The following MGAT5B variants were observed in gnomAD, a reference collection of about 807,000 sequenced individuals.
MGAT5B encodes the protein N-acetylglucosaminyl-transferase Vb.
A neutral mutation model predicts 95.1 loss-of-function variants in MGAT5B; 54 were observed. That is an observed-to-expected ratio of 0.57 (90% CI 0.46 to 0.71). MGAT5B has a LOEUF of 0.71. MGAT5B is among the 30% of genes least tolerant of loss of function. The pLI, the probability that MGAT5B is intolerant of heterozygous loss-of-function variation, is 0.00. For synonymous variants in MGAT5B, 464 were observed against 451.0 expected (o/e 1.03, Z -0.36); for missense variants, 935 against 1,088.6 (o/e 0.86, Z 1.99).
rs1202235069 is a variant in MGAT5B, at chr17:76,948,058, T to C, written c.2152T>C (p.Phe718Leu). The C allele has an allele frequency of 4.3e-6, 7 of 1,610,352 alleles. No individual in the cohort carries two copies. Among genetic ancestry groups the C allele is most frequent in the Non-Finnish European group, 5.9e-6 (7 of 1,178,172 alleles). Residue 718 changes from phenylalanine to leucine, a missense_variant, in exon 17 of 18, where the codon TTC (phenylalanine) becomes CTC (leucine). This residue lies in a region of MGAT5B where 440 missense variants were observed against 523.6 expected (regional missense o/e 0.84). Coordinates refer to ENST00000569840, the MANE Select transcript of MGAT5B (RefSeq NM_001199172.2). ...AATCTGTGAGCCCTCCTTCTTCCCC[T>C]TCCTGAACAGCCAGGACGCCTTCCT... Reference protein sequence around the residue: ...GLICEPSFFPFLNSQDAFLKL... With the variant: ...GLICEPSFFPLLNSQDAFLKL...
Position 76,869,047 on chromosome 17 carries a change from C to A in MGAT5B, c.18C>A (p.Pro6=), listed in dbSNP as rs764730115. 1 of 1,614,098 alleles carries A rather than the reference C, an allele frequency of 6.2e-7. No individual in the cohort carries two copies. Among genetic ancestry groups the A allele is most frequent in the Non-Finnish European group, 8.5e-7 (1 of 1,179,972 alleles). MITVN[P]DGKIMVRRCL... ...TTTGAACAATGATCACCGTCAACCC[C>A]GATGGGAAGATAATGGTCAGAAGAT... Residue 6 remains proline (P), a synonymous_variant, in exon 1 of 18, where the codon CCC becomes CCA. Transcript: ENST00000569840. This position sits in a 1 kb window ranked among gnomAD's most constrained non-coding sequence, Gnocchi z 7.0.
rs372571720 is a variant in MGAT5B at position 76,939,029 on chromosome 17, GGTGTGT to G, written c.1584+927_1584+932del. ...AGCTTGTTTCCCAAGGCATCTTGGGGGTGTGTGTGTGTGTGTGTGTGTGTGTGTGTG... is the reference window on the plus strand; with the variant it reads ...AGCTTGTTTCCCAAGGCATCTTGGGGGTGTGTGTGTGTGTGTGTGTGTGTG... On this transcript the variant is annotated intron_variant, in intron 13 of 17. Coordinates refer to ENST00000569840, the MANE Select transcript of MGAT5B (RefSeq NM_001199172.2). Among the ~76,000 whole-genome samples, 408 of 128,226 alleles carry G rather than the reference GGTGTGT, an allele frequency of 3.2e-3. 2 individuals are homozygous for G. Among genetic ancestry groups the G allele is most frequent in the South Asian group, 0.016 (62 of 3,764 alleles). The allele number at this position is 128,226 out of a possible 152,430, so 84.1% of individuals were successfully genotyped here.
chr17:76,869,131 G>T lies in MGAT5B; in HGVS notation c.68+34G>T, dbSNP rs772807147. ...CCCTCCTGGTTGGTTTTTTCCCCAG[G>T]GGGGCGCCGGGTGGAGGTGGGCGAG... On this transcript the variant is annotated intron_variant, in intron 1 of 17. Transcript: ENST00000569840. The surrounding 1 kb of genome is among the most constrained non-coding windows in gnomAD (Gnocchi z 7.0). 36 of 1,596,336 alleles carry T rather than the reference G, an allele frequency of 2.3e-5. No homozygotes were observed. Among genetic ancestry groups the T allele is most frequent in the African/African-American group, 5.4e-5 (4 of 74,732 alleles).
chr17:76,903,164 G>A, intron 4 of MGAT5B, 139 bp from the exon 5 acceptor site: 1 of 640,534 alleles, frequency 1.6e-6, no homozygotes, highest in Non-Finnish European at 2.6e-6. Flanking sequence ...GACCTTGTGG[G>A]TGGGTTGTGC....
chr17:76,893,880 C>T (rs982893493), intron 3 of MGAT5B, among the ~76,000 whole-genome samples: 4 of 152,190 alleles, frequency 2.6e-5, no homozygotes, highest in African/African-American at 9.7e-5. Context: ...TGTCCTGCCC[C>T]CACCCTGTGC....
At chr17:76,872,791 G>A in intron 1 of MGAT5B, 60 bp from the exon 2 acceptor site, 1 of 1,613,908 alleles carries the variant, frequency 6.2e-7, no homozygotes, top group Non-Finnish European at 8.5e-7. Flanking sequence ...GGTACGTGGT[G>A]GAGCGTCAGG....
chr17:76,876,667 C>T (rs921138322), intron 2 of MGAT5B, among the ~76,000 whole-genome samples: 20 of 152,126 alleles, frequency 1.3e-4, no homozygotes, highest in African/African-American at 4.3e-4. Flanking sequence ...TGTGGGGCCT[C>T]CAAATTCTCC....
At chr17:76,908,875 C>T (rs903956451) in intron 8 of MGAT5B, among the ~76,000 whole-genome samples, 9 of 150,776 alleles carry the variant, frequency 6.0e-5, no homozygotes, top group African/African-American at 1.7e-4. Context: ...GGTGCGATCT[C>T]GGCTCACTGC....
intron 2 of MGAT5B, among the ~76,000 whole-genome samples, chr17:76,879,545 G>A (rs1967327727): frequency 1.3e-5 from 2 of 151,486 alleles, no homozygotes. Flanking sequence ...GTGAGGCCAC[G>A]CAGGCTGTGC....
At position 76,948,946 on chromosome 17, in the gene MGAT5B, C is replaced by T. The variant is rs568652431; in HGVS notation, c.*108C>T. The T allele has an allele frequency of 7.2e-5, 88 of 1,225,040 alleles. No individual in the cohort carries two copies. Among genetic ancestry groups the T allele is most frequent in the Non-Finnish European group, 8.9e-5 (80 of 897,596 alleles). The allele number at this position is 1,225,040 out of a possible 1,614,324, so 75.9% of individuals were successfully genotyped here. ...CTGCTTGTCCTCCTCGCAACCCCCC[C>T]AGGCCGGAGCTTCCTTCCTTAGCCG... is the stretch of plus-strand genomic sequence containing the variant. On this transcript the variant is annotated 3_prime_UTR_variant, in exon 18 of 18. Transcript: ENST00000569840.
At chr17:76,935,143 A>G (rs1390803629) in intron 12 of MGAT5B, among the ~76,000 whole-genome samples, 1 of 152,150 alleles carries the variant, frequency 6.6e-6, no homozygotes, top group Non-Finnish European at 1.5e-5. Context: ...ATGAAGCAGG[A>G]AGGAGGCAAA....
Position 76,918,451 on chromosome 17 carries a change from C to T in MGAT5B, c.1026-6515C>T, listed in dbSNP as rs552725198. On this transcript the variant is annotated intron_variant, in intron 8 of 17. Transcript: ENST00000569840. This position sits in a 1 kb window ranked among gnomAD's most constrained non-coding sequence, Gnocchi z 5.1. ...GGGCCATCCCAGTGACTGCGTAAAGCAACTCTGGGCTGCTTCTGTTGGGTA... is the reference window on the plus strand; with the variant it reads ...GGGCCATCCCAGTGACTGCGTAAAGTAACTCTGGGCTGCTTCTGTTGGGTA... 6.6e-6 allele frequency among the ~76,000 whole-genome samples: 1 copy of T among 152,238 alleles called. No homozygotes were observed. The highest frequency in any genetic ancestry group is 2.4e-5 in the African/African-American group (1 of 41,466).
In MGAT5B at chr17:76,869,118, GT is replaced by G. The variant is rs756421638; in HGVS notation, c.68+27del. Reference sequence around the variant, plus strand: ...TTTCGGTAAAGTTCCCTCCTGGTTGGTTTTTTCCCCAGGGGGGCGCCGGGTG... The same window carrying G: ...TTTCGGTAAAGTTCCCTCCTGGTTGGTTTTTCCCCAGGGGGGCGCCGGGTG... On this transcript the variant is annotated intron_variant, in intron 1 of 17. Coordinates refer to ENST00000569840, the MANE Select transcript of MGAT5B (RefSeq NM_001199172.2). This position sits in a 1 kb window ranked among gnomAD's most constrained non-coding sequence, Gnocchi z 7.0. 3.1e-6 allele frequency: 5 copies of G among 1,612,396 alleles called. No individual in the cohort carries two copies. In the East Asian group the frequency reaches 8.9e-5, roughly 29 times the overall value.
intron 10 of MGAT5B, among the ~76,000 whole-genome samples, chr17:76,929,687 GCA>G (rs955981245): frequency 2.0e-5 from 3 of 152,158 alleles, no homozygotes; most frequent in African/African-American, 7.2e-5. Context: ...AGTTTTAATG[GCA>G]CAGAGTCCAG....
At position 76,889,421 on chromosome 17, in the gene MGAT5B, CCT is replaced by C. The variant is rs1967787371; in HGVS notation, c.329+7127_329+7128del. ...CTGATAACCTGGGAAGTCACTGTCC[CCT>C]CTCCCCATCCCTGCCCAGAGCTGTC... On this transcript the variant is annotated intron_variant, in intron 3 of 17. Coordinates refer to ENST00000569840, the MANE Select transcript of MGAT5B (RefSeq NM_001199172.2). The surrounding 1 kb of genome is among the most constrained non-coding windows in gnomAD (Gnocchi z 4.4). 6.6e-6 allele frequency among the ~76,000 whole-genome samples: 1 copy of C among 152,100 alleles called. No homozygotes were observed. Among genetic ancestry groups the C allele is most frequent in the Non-Finnish European group, 1.5e-5 (1 of 67,996 alleles).
chr17:76,914,928 G>A lies in MGAT5B; in HGVS notation c.1025+8741G>A, dbSNP rs1213240926. 6.6e-6 allele frequency among the ~76,000 whole-genome samples: 1 copy of A among 152,126 alleles called. No homozygotes were observed. The highest frequency in any genetic ancestry group is 2.4e-5 in the African/African-American group (1 of 41,436). On this transcript the variant is annotated intron_variant, in intron 8 of 17. Transcript: ENST00000569840. The surrounding 1 kb of genome is among the most constrained non-coding windows in gnomAD (Gnocchi z 5.1). The stretch of plus-strand genomic sequence containing the variant: ...GCTGGGATTACAGGCGTGAGCCACT[G>A]CCCCCGGCCACGTTTCTTCTTTTTA...
At chr17:76,900,959 G>A (rs974045330) in intron 3 of MGAT5B, among the ~76,000 whole-genome samples, 2 of 148,296 alleles carry the variant, frequency 1.3e-5, no homozygotes, top group South Asian at 4.2e-4. Context: ...GTGTGCGTGT[G>A]CACGCCTGTG....
intron 3 of MGAT5B, among the ~76,000 whole-genome samples, chr17:76,892,471 G>A (rs995055001): frequency 1.4e-4 from 21 of 152,232 alleles, no homozygotes; most frequent in Non-Finnish European, 2.9e-4. Flanking sequence ...AGGAGAAGGC[G>A]ACCTCAGGCT....
At position 76,930,299 on chromosome 17, in the gene MGAT5B, G is replaced by A. The variant is rs1969438994; in HGVS notation, c.1292-2346G>A. Among the ~76,000 whole-genome samples, 1 of 151,876 alleles carries A rather than the reference G, an allele frequency of 6.6e-6. No individual in the cohort carries two copies. Among genetic ancestry groups the A allele is most frequent in the Admixed American group, 6.6e-5 (1 of 15,234 alleles). ...AGATGTTGATTATTACGTCTTGTGG[G>A]CCTTGAGGGGTGGGTGGGAATACTA... On this transcript the variant is annotated intron_variant, in intron 10 of 17. Transcript: ENST00000569840. The surrounding 1 kb of genome is among the most constrained non-coding windows in gnomAD (Gnocchi z 4.1).
Sources: allele counts gnomAD v4.1 joint callset (sites outside exome capture counted in the v4.1 genomes callset), GRCh38; gene constraint gnomAD v4.1.1; regional missense constraint gnomAD v4.1.1; non-coding constraint Gnocchi (gnomAD v3.1); transcripts MANE v1.5; gene names NCBI Gene and HGNC (gene_info 2026-07-23, HGNC 2026-07-21).